Variants in LMTK2 observed in about 807,000 individuals in gnomAD.
LMTK2 encodes serine/threonine-protein kinase LMTK2.
LMTK2 carries 37 observed loss-of-function variants against 127.5 expected under a neutral mutation model. The observed-to-expected ratio is 0.29, with a 90% CI of 0.22 to 0.38. The LOEUF (loss-of-function observed/expected upper bound fraction) is 0.38, where lower values mean the gene tolerates loss of function less well. Among genes scored for constraint, LMTK2 ranks in the 10% least tolerant of loss-of-function variants. The probability of loss-of-function intolerance (pLI) is 1.00; values close to 1 mark genes in which losing one functional copy is unlikely to be tolerated. For missense variants in LMTK2, 1,694 were observed against 1,920.3 expected (o/e 0.88, Z 2.20); for synonymous variants, 819 against 810.1 (o/e 1.01, Z -0.19).
At chr7:98,181,103 C>T (rs978549263) in intron 7 of LMTK2, among the ~76,000 whole-genome samples, 5 of 152,280 alleles carry the variant, frequency 3.3e-5, no homozygotes, top group Admixed American at 6.5e-5. Flanking sequence ...TCTGGAGATG[C>T]TGTTTTTCCA....
At chr7:98,203,844 G>T (rs1797745641) in intron 12 of LMTK2, 100 bp from the exon 13 acceptor site, 2 of 1,579,136 alleles carry the variant, frequency 1.3e-6, no homozygotes, top group South Asian at 2.2e-5. Context: ...AGCCGGGCCG[G>T]GCTGTGTCTT....
chr7:98,121,288 A>G (rs1435035226), intron 1 of LMTK2, among the ~76,000 whole-genome samples: 1 of 152,194 alleles, frequency 6.6e-6, no homozygotes, highest in Non-Finnish European at 1.5e-5. Flanking sequence ...TAAACTACGA[A>G]TCATAAGATT....
rs1397607315 is a variant in LMTK2 at position 98,106,894 on chromosome 7, G to A, written c.-284G>A. On this transcript the variant is annotated 5_prime_UTR_variant, in exon 1 of 14. Coordinates refer to ENST00000297293, the MANE Select transcript of LMTK2 (RefSeq NM_014916.4). ...GACGCAGCCCATCATGGCGGCGGGA[G>A]CGCGGCTTCCCAGGCCCGCCGCTCC... 3 of 444,994 alleles carry A rather than the reference G, an allele frequency of 6.7e-6. No individual in the cohort carries two copies. Among genetic ancestry groups the A allele is most frequent in the Non-Finnish European group, 7.9e-6 (2 of 251,646 alleles). 27.6% of individuals were successfully genotyped at this position (444,994 alleles called of 1,614,324 possible). A position where few individuals can be genotyped will look rare whatever the true frequency, so the allele number is the denominator to read the frequency against.
At chr7:98,199,950 G>A (rs1252672568) in intron 11 of LMTK2, among the ~76,000 whole-genome samples, 3 of 152,070 alleles carry the variant, frequency 2.0e-5, no homozygotes, top group African/African-American at 4.8e-5. Context: ...TTAATGGTAT[G>A]TTTAGATCAT....
chr7:98,205,678 A>G lies in LMTK2; in HGVS notation c.*186A>G. ...GCGGGGCCCTCGGGAGCCCAGGTGCAGAGCGAGGCCGTGTCCAGGAGCCGG... is the reference window on the plus strand; with the variant it reads ...GCGGGGCCCTCGGGAGCCCAGGTGCGGAGCGAGGCCGTGTCCAGGAGCCGG... On this transcript the variant is annotated 3_prime_UTR_variant, in exon 14 of 14. Coordinates refer to ENST00000297293, the MANE Select transcript of LMTK2 (RefSeq NM_014916.4). 1 of 656,696 alleles carries G rather than the reference A, an allele frequency of 1.5e-6. No individual in the cohort carries two copies. Among genetic ancestry groups the G allele is most frequent in the Non-Finnish European group, 2.6e-6 (1 of 383,070 alleles). The allele number at this position is 656,696 out of a possible 1,614,324, so 40.7% of individuals were successfully genotyped here. A position where few individuals can be genotyped will look rare whatever the true frequency, so the allele number is the denominator to read the frequency against.
chr7:98,200,904 G>C (rs923282840), intron 11 of LMTK2, among the ~76,000 whole-genome samples: 12 of 151,902 alleles, frequency 7.9e-5, no homozygotes, highest in Non-Finnish European at 1.5e-4. Flanking sequence ...TGACTCTGAG[G>C]ATGTGGAACT....
At chr7:98,144,935 A>G (rs1290000822) in intron 3 of LMTK2, among the ~76,000 whole-genome samples, 2 of 152,004 alleles carry the variant, frequency 1.3e-5, no homozygotes, top group African/African-American at 4.8e-5. Flanking sequence ...CTGTTGATGG[A>G]TATTTGGCTT....
Position 98,141,474 on chromosome 7 carries a change from A to T in LMTK2, c.309A>T (p.Ala103=). The T allele has an allele frequency of 6.2e-7, 1 of 1,613,756 alleles. No individual in the cohort carries two copies. Among genetic ancestry groups the T allele is most frequent in the Non-Finnish European group, 8.5e-7 (1 of 1,179,590 alleles). ...AEDTPSVQSP[A]EVFTLSVPNI... ...ACACTCCCTCTGTTCAGTCCCCAGC[A>T]GAGGTCTTCACACTTTCAGTACCAA... Residue 103 remains alanine (A), a synonymous_variant, in exon 3 of 14, where the codon GCA becomes GCT. Transcript: ENST00000297293.
rs1256340970 is a variant in LMTK2 at position 98,209,207 on chromosome 7, TTTA to T, written c.*3719_*3721del. The T allele has an allele frequency of 6.6e-6, 1 of 152,236 alleles. No individual in the cohort carries two copies. The highest frequency in any genetic ancestry group is 6.5e-5 in the Admixed American group (1 of 15,286). 9.4% of individuals were successfully genotyped at this position (152,236 alleles called of 1,614,324 possible). On this transcript the variant is annotated 3_prime_UTR_variant, in exon 14 of 14. Coordinates refer to ENST00000297293, the MANE Select transcript of LMTK2 (RefSeq NM_014916.4). ...AGTAGCAATGGGGTTGGCTCAAGTC[TTTA>T]TTAACAAAGAACATTCTCTTTCATC...
At position 98,207,750 on chromosome 7, in the gene LMTK2, C is replaced by T. The variant is rs1333214705; in HGVS notation, c.*2258C>T. 1 of 152,086 alleles carries T rather than the reference C, an allele frequency of 6.6e-6. No homozygotes were observed. Among genetic ancestry groups the T allele is most frequent in the Non-Finnish European group, 1.5e-5 (1 of 68,028 alleles). The allele number at this position is 152,086 out of a possible 1,614,324, so 9.4% of individuals were successfully genotyped here. A position where few individuals can be genotyped will look rare whatever the true frequency, so the allele number is the denominator to read the frequency against. On this transcript the variant is annotated 3_prime_UTR_variant, in exon 14 of 14. Coordinates refer to ENST00000297293, the MANE Select transcript of LMTK2 (RefSeq NM_014916.4). ...TCGTCGTCTTATACAGTGTCAGCCT[C>T]GAGTACATTTATTAACCTTTTGGGG...
At chr7:98,160,901 T>C (rs1277385142) in intron 6 of LMTK2, among the ~76,000 whole-genome samples, 1 of 152,234 alleles carries the variant, frequency 6.6e-6, no homozygotes, top group Non-Finnish European at 1.5e-5. Context: ...TTGATACTAA[T>C]ATAGTTAGAC....
intron 2 of LMTK2, among the ~76,000 whole-genome samples, chr7:98,138,696 T>C (rs1584256799): frequency 6.6e-6 from 1 of 152,320 alleles, no homozygotes; most frequent in Non-Finnish European, 1.5e-5. Flanking sequence ...AACCTGGCCA[T>C]TTCAGGACAA....
At position 98,150,764 on chromosome 7, in the gene LMTK2, A is replaced by G. The variant is rs544929993; in HGVS notation, c.377-618A>G. On this transcript the variant is annotated intron_variant, in intron 3 of 13. Transcript: ENST00000297293. ...AGCCATACCATCGAAAAAAGAGTAC[A>G]TACCATATGATTCTGGTTGCATAAC... Among the ~76,000 whole-genome samples, 3 of 152,362 alleles carry G rather than the reference A, an allele frequency of 2.0e-5. No individual in the cohort carries two copies. The East Asian group carries it at 5.8e-4, about 29-fold the overall frequency.
chr7:98,153,509 G>A (rs11772060), intron 4 of LMTK2, among the ~76,000 whole-genome samples: 3 of 152,192 alleles, frequency 2.0e-5, no homozygotes, highest in East Asian at 1.9e-4. Context: ...ACATCCTTGC[G>A]TGGAATGGAT....
Position 98,194,183 on chromosome 7 carries a change from A to G in LMTK2, c.3718A>G (p.Asn1240Asp), listed in dbSNP as rs544949950. Residue 1240 changes from asparagine to aspartate, a missense_variant, in exon 11 of 14, where the codon AAT becomes GAT. Around this residue, in one of 8 missense-constraint regions of LMTK2, gnomAD observed 554 missense variants for 567.7 expected, o/e 0.98. Coordinates refer to ENST00000297293, the MANE Select transcript of LMTK2 (RefSeq NM_014916.4). The surrounding 1 kb of genome is among the most constrained non-coding windows in gnomAD (Gnocchi z 5.4). The stretch of plus-strand genomic sequence containing the variant: ...CACGAACGAACTCCTTGCCTACACC[A>G]ATTCTGCGCTGGACAAGTCCCTGTC... ...TNTNELLAYTNSALDKSLSSH... is the reference protein window; with the variant it reads ...TNTNELLAYTDSALDKSLSSH... 2.5e-6 allele frequency: 4 copies of G among 1,613,886 alleles called. No homozygotes were observed. The highest frequency in any genetic ancestry group is 1.3e-5 in the African/African-American group (1 of 75,016).
intron 6 of LMTK2, among the ~76,000 whole-genome samples, chr7:98,168,285 C>T (rs1342915502): frequency 6.6e-6 from 1 of 152,090 alleles, no homozygotes; most frequent in Non-Finnish European, 1.5e-5. Flanking sequence ...CCATGGCAAC[C>T]AAAGAGGAGA....
intron 1 of LMTK2, among the ~76,000 whole-genome samples, chr7:98,124,805 C>T (rs1430730980): frequency 6.6e-6 from 1 of 151,748 alleles, no homozygotes; most frequent in East Asian, 1.9e-4. Flanking sequence ...ATAATAATAA[C>T]ATAAAATGGG....
chr7:98,126,700 T>A (rs1246515529), intron 1 of LMTK2: 1 of 152,180 alleles, frequency 6.6e-6, no homozygotes, highest in Non-Finnish European at 1.5e-5. Flanking sequence ...GATAACAAAT[T>A]TTAGTGGAAT....
At position 98,107,162 on chromosome 7, in the gene LMTK2, C is replaced by T; in HGVS notation, c.-16C>T. The T allele has an allele frequency of 7.0e-7, 1 of 1,429,108 alleles. No individual in the cohort carries two copies. The highest frequency in any genetic ancestry group is 9.1e-7 in the Non-Finnish European group (1 of 1,098,922). The allele number at this position is 1,429,108 out of a possible 1,614,324, so 88.5% of individuals were successfully genotyped here. A position where few individuals can be genotyped will look rare whatever the true frequency, so the allele number is the denominator to read the frequency against. On this transcript the variant is annotated 5_prime_UTR_variant, in exon 1 of 14. Coordinates refer to ENST00000297293, the MANE Select transcript of LMTK2 (RefSeq NM_014916.4). Reference sequence around the variant, plus strand: ...GGCGACTCGAGGGCCGGCCCCGGAGCCGCGCCGTGGGCGAGATGCCGGGGC... The same window carrying T: ...GGCGACTCGAGGGCCGGCCCCGGAGTCGCGCCGTGGGCGAGATGCCGGGGC...
Sources: allele counts gnomAD v4.1 joint callset (sites outside exome capture counted in the v4.1 genomes callset), GRCh38; gene constraint gnomAD v4.1.1; regional missense constraint gnomAD v4.1.1; non-coding constraint Gnocchi (gnomAD v3.1); transcripts MANE v1.5; gene names NCBI Gene and HGNC (gene_info 2026-07-23, HGNC 2026-07-21).